SLC35F1: variants seen among roughly 807,000 people sequenced by gnomAD.
SLC35F1 encodes chromosome 6 open reading frame 169.
SLC35F1 carries 14 observed loss-of-function variants against 48.7 expected under a neutral mutation model. The observed-to-expected ratio is 0.29, with a 90% CI of 0.19 to 0.45. The LOEUF (loss-of-function observed/expected upper bound fraction) is 0.45. Ranked by LOEUF, SLC35F1 falls within the 20% of genes least tolerant of loss-of-function variation. The pLI is 1.00. For missense variants in SLC35F1, 404 were observed against 500.0 expected, an observed-to-expected ratio of 0.81 and a Z score of 1.83; for synonymous variants, 190 against 202.2, an observed-to-expected ratio of 0.94 and a Z score of 0.51.
At chr6:118,131,719 T>G (rs370390668) in intron 1 of SLC35F1, among the ~76,000 whole-genome samples, 3 of 152,164 alleles carry the variant, frequency 2.0e-5, no homozygotes, top group Admixed American at 1.3e-4. Flanking sequence ...TTTGCTAATA[T>G]AGTAACTTTA....
At chr6:118,307,849 C>T (rs1398384204) in intron 7 of SLC35F1, among the ~76,000 whole-genome samples, 1 of 152,196 alleles carries the variant, frequency 6.6e-6, no homozygotes, top group Non-Finnish European at 1.5e-5. Context: ...TCAGCACTAA[C>T]CAACATCCTT....
At chr6:118,176,473 G>A (rs923009133) in intron 2 of SLC35F1, among the ~76,000 whole-genome samples, 1 of 152,032 alleles carries the variant, frequency 6.6e-6, no homozygotes, top group Non-Finnish European at 1.5e-5. Context: ...GGGATTAAAG[G>A]CATGAGCCAT....
intron 2 of SLC35F1, among the ~76,000 whole-genome samples, chr6:118,191,199 G>A (rs569924737): frequency 6.6e-6 from 1 of 152,244 alleles, no homozygotes; most frequent in East Asian, 1.9e-4. Context: ...GGCGACATAT[G>A]TACCATTAAA....
chr6:118,151,183 T>G (rs1167724346), intron 1 of SLC35F1, among the ~76,000 whole-genome samples: 1 of 152,206 alleles, frequency 6.6e-6, no homozygotes, highest in Admixed American at 6.5e-5. Context: ...GTGATGTGCT[T>G]CTTCTCCCTC....
intron 2 of SLC35F1, among the ~76,000 whole-genome samples, chr6:118,187,281 T>C (rs1187706828): frequency 1.3e-5 from 2 of 152,232 alleles, no homozygotes. Context: ...AGCTTGTTTT[T>C]ATTTCTATTT....
chr6:118,090,004 G>C (rs1265952749), intron 1 of SLC35F1, among the ~76,000 whole-genome samples: 5 of 152,220 alleles, frequency 3.3e-5, no homozygotes, highest in Non-Finnish European at 7.3e-5. Flanking sequence ...CTTAAAATCT[G>C]TCTAGATTCT....
chr6:118,293,696 G>A (rs1776151187), intron 7 of SLC35F1, among the ~76,000 whole-genome samples: 1 of 152,208 alleles, frequency 6.6e-6, no homozygotes, highest in Non-Finnish European at 1.5e-5. Flanking sequence ...TGGTTCAGAA[G>A]CTGTGTCTGG....
intron 2 of SLC35F1, among the ~76,000 whole-genome samples, chr6:118,221,964 AT>A (rs1185901986): frequency 6.2e-5 from 3 of 48,742 alleles, no homozygotes; most frequent in East Asian, 7.3e-4. Context: ...TATGTATACA[AT>A]TTTTTTATAG....
intron 1 of SLC35F1, among the ~76,000 whole-genome samples, chr6:118,082,753 A>T (rs1404654267): frequency 6.6e-6 from 1 of 152,196 alleles, no homozygotes; most frequent in Non-Finnish European, 1.5e-5. Context: ...CAAGAAAAAA[A>T]GATGGCTACT....
At chr6:117,911,983 G>A (rs1441568235) in intron 1 of SLC35F1, among the ~76,000 whole-genome samples, 1 of 152,204 alleles carries the variant, frequency 6.6e-6, no homozygotes, top group African/African-American at 2.4e-5. Context: ...GTGATAGCTT[G>A]TTTTGTGTTT....
chr6:118,246,023 T>C (rs1225156997), intron 3 of SLC35F1, among the ~76,000 whole-genome samples: 1 of 152,156 alleles, frequency 6.6e-6, no homozygotes, highest in Non-Finnish European at 1.5e-5. Flanking sequence ...TTCTCTCTAG[T>C]ATGGACTTCC....
intron 1 of SLC35F1, among the ~76,000 whole-genome samples, chr6:118,050,595 A>G (rs1772374824): frequency 6.6e-6 from 1 of 152,038 alleles, no homozygotes; most frequent in African/African-American, 2.4e-5. Context: ...AGAGAGTTTT[A>G]GGCAGGGAGA....
intron 1 of SLC35F1, among the ~76,000 whole-genome samples, chr6:118,129,231 A>G (rs1773674333): frequency 6.6e-6 from 1 of 152,196 alleles, no homozygotes; most frequent in Non-Finnish European, 1.5e-5. Flanking sequence ...TAGCGATAGT[A>G]GAGAATAATG....
At chr6:117,908,693 T>C (rs998458100) in intron 1 of SLC35F1, among the ~76,000 whole-genome samples, 3 of 152,242 alleles carry the variant, frequency 2.0e-5, no homozygotes, top group Non-Finnish European at 2.9e-5. Flanking sequence ...GGGGTACCTC[T>C]GGCACCTCTG....
At chr6:118,279,825 C>T (rs1187698748) in intron 6 of SLC35F1, among the ~76,000 whole-genome samples, 3 of 152,188 alleles carry the variant, frequency 2.0e-5, no homozygotes, top group East Asian at 3.9e-4. Flanking sequence ...CTTCATTTCT[C>T]AGCATCTGTC....
At chr6:118,238,324 G>A (rs2883849) in intron 3 of SLC35F1, among the ~76,000 whole-genome samples, 51,425 of 151,524 alleles carry the variant, frequency 0.34, 9,303 homozygotes, top group East Asian at 0.66. Flanking sequence ...GTGCACCTCT[G>A]TAGTCCCAGC....
chr6:118,301,600 C>A (rs1268856055), intron 7 of SLC35F1, among the ~76,000 whole-genome samples: 4 of 152,116 alleles, frequency 2.6e-5, no homozygotes, highest in African/African-American at 9.7e-5. Flanking sequence ...TTTTTCATAT[C>A]ATCCCACATT....
chr6:118,180,875 T>C (rs1022390722), intron 2 of SLC35F1, among the ~76,000 whole-genome samples: 1 of 152,040 alleles, frequency 6.6e-6, no homozygotes, highest in Non-Finnish European at 1.5e-5. Flanking sequence ...ATTCACTGCA[T>C]TTAGAATGAA....
At chr6:117,914,703 T>C (rs1415199234) in intron 1 of SLC35F1, among the ~76,000 whole-genome samples, 1 of 152,160 alleles carries the variant, frequency 6.6e-6, no homozygotes, top group Non-Finnish European at 1.5e-5. Flanking sequence ...AACATATACC[T>C]CTCAAAATGC....
Sources: gnomAD v4.1 joint callset for allele counts (sites outside exome capture counted in the v4.1 genomes callset) on GRCh38, gnomAD v4.1.1 for gene constraint, MANE v1.5 for transcripts, NCBI Gene and HGNC (gene_info 2026-07-23, HGNC 2026-07-21) for gene names.